Variants in CHODL observed in about 807,000 individuals in gnomAD.
CHODL encodes chondrolectin.
CHODL carries 29 observed loss-of-function variants against 34.5 expected under a neutral mutation model. The observed-to-expected ratio is 0.84, with a 90% CI of 0.63 to 1.15. The LOEUF is 1.15. Ranked by LOEUF, CHODL falls within the 50% of genes most tolerant of loss-of-function variation. CHODL has a pLI of 0.00. For synonymous variants in CHODL, 125 were observed against 116.1 expected (o/e 1.08, Z -0.49); for missense variants, 332 against 332.5 (o/e 1.00, Z 0.01).
chr21:18,058,026 G>A (rs1211066252), intron 2 of CHODL, among the ~76,000 whole-genome samples: 1 of 151,928 alleles, frequency 6.6e-6, no homozygotes, highest in Non-Finnish European at 1.5e-5. Flanking sequence ...ATACATTATT[G>A]TTAACTATAG....
intron 2 of CHODL, chr21:18,134,219 C>A: frequency 2.2e-6 from 1 of 454,214 alleles, no homozygotes; most frequent in East Asian, 6.4e-5. Flanking sequence ...GGTTACCACT[C>A]TTTTGTTATC....
At chr21:18,063,243 T>G (rs995232375) in intron 2 of CHODL, among the ~76,000 whole-genome samples, 6 of 152,208 alleles carry the variant, frequency 3.9e-5, no homozygotes, top group Non-Finnish European at 8.8e-5. Context: ...AACTGCTGGT[T>G]GACTTTAAGT....
chr21:18,072,633 G>T (rs1325505222), intron 2 of CHODL, among the ~76,000 whole-genome samples: 2 of 151,906 alleles, frequency 1.3e-5, no homozygotes, highest in African/African-American at 2.4e-5. Flanking sequence ...TAACAATTCT[G>T]CAAGTATTAA....
At position 18,235,382 on chromosome 21, in the gene CHODL, AAAATT is replaced by A. The variant is rs578059426; in HGVS notation, c.-44-21123_-44-21119del. 1.7e-3 allele frequency among the ~76,000 whole-genome samples: 265 copies of A among 152,238 alleles called. 1 individual carries two copies. Among genetic ancestry groups the A allele is most frequent in the African/African-American group, 5.5e-3 (230 of 41,564 alleles). ...ATATTAACATTGGAAGAAAATTTAA[AAAATT>A]AAAATACTGAATATATGATTAATCT... is the stretch of plus-strand genomic sequence containing the variant. On this transcript the variant is annotated intron_variant, in intron 2 of 6. Coordinates refer to the CHODL transcript ENST00000400127.
At chr21:18,114,169 A>T (rs2065384578) in intron 2 of CHODL, among the ~76,000 whole-genome samples, 1 of 152,174 alleles carries the variant, frequency 6.6e-6, no homozygotes, top group South Asian at 2.1e-4. Context: ...GGGAGGAGGT[A>T]GGGATGGTTA....
At chr21:18,045,668 A>G (rs894185940) in intron 2 of CHODL, among the ~76,000 whole-genome samples, 2 of 151,966 alleles carry the variant, frequency 1.3e-5, no homozygotes, top group African/African-American at 4.8e-5. Context: ...TGTACACTCC[A>G]AAGTTCATGT....
At chr21:18,100,099 TAA>T (rs2065194626) in intron 2 of CHODL, 1 of 151,876 alleles carries the variant, frequency 6.6e-6, no homozygotes, top group Non-Finnish European at 1.5e-5. Context: ...TAAAAATAAA[TAA>T]GTTACATAAG....
chr21:18,124,659 T>C (rs189006448), intron 2 of CHODL, among the ~76,000 whole-genome samples: 1 of 150,920 alleles, frequency 6.6e-6, no homozygotes, highest in East Asian at 2.0e-4. Flanking sequence ...GAAGTCTGGA[T>C]CATGTGAAAC....
At chr21:17,957,992 G>A (rs1600832040) in intron 1 of CHODL, among the ~76,000 whole-genome samples, 1 of 151,520 alleles carries the variant, frequency 6.6e-6, no homozygotes, top group African/African-American at 2.4e-5. Flanking sequence ...GATTGTTATT[G>A]ATGTTTCCAA....
intron 1 of CHODL, among the ~76,000 whole-genome samples, chr21:17,991,976 A>G (rs778416852): frequency 6.6e-6 from 1 of 152,126 alleles, no homozygotes; most frequent in Non-Finnish European, 1.5e-5. Context: ...TTAAGCATTT[A>G]ATCCATTTTC....
intron 2 of CHODL, among the ~76,000 whole-genome samples, chr21:18,208,553 C>T (rs1019212355): frequency 6.6e-6 from 1 of 151,916 alleles, no homozygotes; most frequent in Non-Finnish European, 1.5e-5. Flanking sequence ...GAATGTTTGT[C>T]GGTGTCTTTC....
chr21:18,184,047 A>G (rs1162873615), intron 2 of CHODL, among the ~76,000 whole-genome samples: 1 of 152,202 alleles, frequency 6.6e-6, no homozygotes, highest in Non-Finnish European at 1.5e-5. Flanking sequence ...AATGAGATTT[A>G]ATTACATGAA....
intron 2 of CHODL, among the ~76,000 whole-genome samples, chr21:18,061,202 C>T (rs1404064558): frequency 1.3e-5 from 2 of 152,120 alleles, no homozygotes; most frequent in African/African-American, 4.8e-5. Context: ...AAGCAAATTC[C>T]TTTTCAGCAG....
At chr21:18,050,763 G>T (rs989835721) in intron 2 of CHODL, among the ~76,000 whole-genome samples, 6 of 151,776 alleles carry the variant, frequency 4.0e-5, no homozygotes, top group Admixed American at 1.3e-4. Context: ...TTGACTTTGT[G>T]GTGCCTATTA....
At chr21:18,072,955 A>G (rs1234026080) in intron 2 of CHODL, among the ~76,000 whole-genome samples, 1 of 152,158 alleles carries the variant, frequency 6.6e-6, no homozygotes, top group Admixed American at 6.5e-5. Context: ...TGTCTCATTT[A>G]TTATTAAAGT....
chr21:18,077,418 A>T (rs74489822), intron 2 of CHODL, among the ~76,000 whole-genome samples: 6,185 of 152,208 alleles, frequency 0.041, 375 homozygotes, highest in African/African-American at 0.13. Context: ...TTTTGGAGCT[A>T]TTGGGATGGG....
intron 2 of CHODL, among the ~76,000 whole-genome samples, chr21:18,211,141 T>TACACACACACACACAC (rs3077936): frequency 0.022 from 3,278 of 148,722 alleles, 74 homozygotes; most frequent in African/African-American, 0.051. Context: ...TACACATGGA[T>TACACACACACACACAC]ACACACACAC....
intron 2 of CHODL, among the ~76,000 whole-genome samples, chr21:18,193,625 G>A (rs2073540620): frequency 1.3e-5 from 2 of 150,938 alleles, no homozygotes; most frequent in South Asian, 4.2e-4. Context: ...GAACCCAGGA[G>A]GCAGAGGTTG....
At chr21:18,208,405 T>C (rs764997069) in intron 2 of CHODL, among the ~76,000 whole-genome samples, 3 of 152,314 alleles carry the variant, frequency 2.0e-5, no homozygotes, top group Non-Finnish European at 4.4e-5. Flanking sequence ...TTTAATTTCA[T>C]TGAGTTTCCT....
Sources: gnomAD v4.1 joint callset for allele counts (sites outside exome capture counted in the v4.1 genomes callset) on GRCh38, gnomAD v4.1.1 for gene constraint, MANE v1.5 for transcripts, NCBI Gene and HGNC (gene_info 2026-07-23, HGNC 2026-07-21) for gene names.